MIPEP: variants seen among roughly 807,000 people sequenced by gnomAD.
MIPEP encodes mitochondrial intermediate peptidase.
In MIPEP, 79 loss-of-function variants were observed where a neutral mutation model predicts 90.3. The observed-to-expected ratio is 0.87, with a 90% CI of 0.73 to 1.05. MIPEP has a LOEUF of 1.05. MIPEP is among the 50% of genes least tolerant of loss of function. The pLI is 0.00. For synonymous variants in MIPEP, 334 were observed against 315.8 expected, an observed-to-expected ratio of 1.06 and a Z score of -0.61; for missense variants, 940 against 905.6, an observed-to-expected ratio of 1.04 and a Z score of -0.49.
At chr13:23,807,176 A>G (rs1251923824) in intron 15 of MIPEP, among the ~76,000 whole-genome samples, 1 of 152,258 alleles carries the variant, frequency 6.6e-6, no homozygotes, top group Non-Finnish European at 1.5e-5. Context: ...AAGTTTGGAC[A>G]TGAAATCTGC....
At chr13:23,789,376 T>C (rs1952878682) in intron 16 of MIPEP, among the ~76,000 whole-genome samples, 1 of 152,234 alleles carries the variant, frequency 6.6e-6, no homozygotes, top group African/African-American at 2.4e-5. Flanking sequence ...TTTTAATGGC[T>C]TATGTTTTTC....
Position 23,837,630 on chromosome 13 carries a change from T to C in MIPEP, c.1465A>G (p.Met489Val), listed in dbSNP as rs765512586. 35 of 1,613,926 alleles carry C rather than the reference T, an allele frequency of 2.2e-5. 1 individual carries two copies. Among genetic ancestry groups the C allele is most frequent in the South Asian group, 8.8e-5 (8 of 91,088 alleles). ...ATTTCATGGAAAAGATTTTCCATCA[T>C]GCTAGGAGTTAGCAAAGTTGGAGAA... The part of the protein sequence containing the change: ...RSSPTLLTPS[M>V]MENLFHEMGH... The change falls in exon 13 of 19, where the codon ATG becomes GTG. Residue 489 changes from methionine to valine, a missense_variant. Met to Val is a conservative substitution (Grantham distance 21, BLOSUM62 1). Transcript: ENST00000382172.
intron 2 of MIPEP, among the ~76,000 whole-genome samples, chr13:23,885,005 GT>G (rs959214959): frequency 1.1e-3 from 172 of 152,286 alleles, no homozygotes; most frequent in African/African-American, 3.8e-3. Context: ...GCACTTCCAT[GT>G]TTGCTGCAGC....
At chr13:23,794,079 G>C (rs947436120) in intron 16 of MIPEP, among the ~76,000 whole-genome samples, 1 of 152,152 alleles carries the variant, frequency 6.6e-6, no homozygotes, top group Non-Finnish European at 1.5e-5. Context: ...CTCATTAGGG[G>C]AAGACTGTGA....
At chr13:23,848,810 A>G (rs1186278270) in intron 10 of MIPEP, among the ~76,000 whole-genome samples, 1 of 152,150 alleles carries the variant, frequency 6.6e-6, no homozygotes, top group Non-Finnish European at 1.5e-5. Context: ...GCGAGACTAC[A>G]TGCCTCTCCA....
Position 23,858,919 on chromosome 13 carries a change from T to C in MIPEP, c.1054-7A>G. 2 of 1,612,042 alleles carry C rather than the reference T, an allele frequency of 1.2e-6. No individual in the cohort carries two copies. Among genetic ancestry groups the C allele is most frequent in the Non-Finnish European group, 1.7e-6 (2 of 1,178,420 alleles). On this transcript the variant is annotated splice_polypyrimidine_tract_variant and splice_region_variant and intron_variant, in intron 9 of 18. Transcript: ENST00000382172. ...GGTCCCAGGGCATTACTTCCTACAA[T>C]GGAATAATTCACTGTTAAGGAAAGC...
At chr13:23,752,805 A>G (rs1323271110) in intron 18 of MIPEP, among the ~76,000 whole-genome samples, 3 of 152,142 alleles carry the variant, frequency 2.0e-5, no homozygotes, top group Admixed American at 2.0e-4. Flanking sequence ...TAATATATAT[A>G]TTTATGTAAG....
intron 14 of MIPEP, among the ~76,000 whole-genome samples, chr13:23,820,788 T>G (rs1403291762): frequency 6.6e-6 from 1 of 152,206 alleles, no homozygotes; most frequent in Non-Finnish European, 1.5e-5. Context: ...GAGTGTGCAT[T>G]TCTAAGGAAT....
intron 14 of MIPEP, among the ~76,000 whole-genome samples, chr13:23,810,637 C>A (rs937811444): frequency 1.3e-5 from 2 of 152,180 alleles, no homozygotes; most frequent in South Asian, 2.1e-4. Context: ...CGATTTACAA[C>A]CTAATTAAGC....
At chr13:23,867,431 T>C (rs760401897) in intron 7 of MIPEP, among the ~76,000 whole-genome samples, 48 of 152,224 alleles carry the variant, frequency 3.2e-4, no homozygotes, top group Middle Eastern at 6.8e-3. Flanking sequence ...CTTCCGACAA[T>C]GCTCTCTAAA....
At chr13:23,867,433 C>T (rs1427698153) in intron 7 of MIPEP, among the ~76,000 whole-genome samples, 1 of 152,150 alleles carries the variant, frequency 6.6e-6, no homozygotes, top group Non-Finnish European at 1.5e-5. Flanking sequence ...TCCGACAATG[C>T]TCTCTAAAAC....
intron 16 of MIPEP, among the ~76,000 whole-genome samples, chr13:23,776,042 A>G (rs1403796197): frequency 6.6e-6 from 1 of 152,106 alleles, no homozygotes; most frequent in Non-Finnish European, 1.5e-5. Flanking sequence ...ATTTGTTTTC[A>G]TCTATTTCTT....
Position 23,886,339 on chromosome 13 carries a change from G to A in MIPEP, c.357C>T (p.Ala119=), listed in dbSNP as rs1871479241. The change falls in exon 2 of 19, where the codon GCC becomes GCT. Residue 119 remains alanine, a synonymous_variant. Transcript: ENST00000382172. ...CTGAGGTAAAGCACCTTACCAAGTC[G>A]GCCACTCTGCATAAGGAATCCGAGA... The part of the protein sequence containing the change: ...DELSDSLCRV[A]DLADFVKIAH... The A allele has an allele frequency of 2.0e-6, 3 of 1,532,496 alleles. No individual in the cohort carries two copies. Among genetic ancestry groups the A allele is most frequent in the African/African-American group, 2.8e-5 (2 of 71,636 alleles). The allele number at this position is 1,532,496 out of a possible 1,614,324, so 94.9% of individuals were successfully genotyped here.
At chr13:23,755,604 T>C (rs1952483169) in intron 18 of MIPEP, among the ~76,000 whole-genome samples, 1 of 152,234 alleles carries the variant, frequency 6.6e-6, no homozygotes, top group Admixed American at 6.5e-5. Context: ...ACCATCAATA[T>C]ATTGCAATTA....
intron 18 of MIPEP, among the ~76,000 whole-genome samples, chr13:23,740,467 C>T (rs1952314937): frequency 6.6e-6 from 1 of 151,600 alleles, no homozygotes; most frequent in Non-Finnish European, 1.5e-5. Flanking sequence ...CTTTGATAAG[C>T]CAGAGTTGGT....
At chr13:23,756,660 C>A in intron 17 of MIPEP, 42 bp from the exon 18 acceptor site, 2 of 1,572,012 alleles carry the variant, frequency 1.3e-6, no homozygotes, top group Non-Finnish European at 1.7e-6. Context: ...GCTTGCACAG[C>A]CTCCATTCAC....
intron 18 of MIPEP, among the ~76,000 whole-genome samples, chr13:23,743,908 G>C (rs1952357505): frequency 6.6e-6 from 1 of 152,150 alleles, no homozygotes; most frequent in Non-Finnish European, 1.5e-5. Flanking sequence ...CGATTTCAGA[G>C]GCTACGTTGG....
At chr13:23,761,228 C>T (rs1952539277) in intron 16 of MIPEP, among the ~76,000 whole-genome samples, 1 of 151,968 alleles carries the variant, frequency 6.6e-6, no homozygotes, top group Non-Finnish European at 1.5e-5. Context: ...GTTGTCCCTC[C>T]TTCTCTAAGC....
chr13:23,825,568 G>T (rs1272608310), intron 14 of MIPEP, among the ~76,000 whole-genome samples: 1 of 152,224 alleles, frequency 6.6e-6, no homozygotes, highest in African/African-American at 2.4e-5. Flanking sequence ...CACATTGTCA[G>T]AAGTTTAGGC....
Sources: gnomAD v4.1 joint callset for allele counts (sites outside exome capture counted in the v4.1 genomes callset) on GRCh38, gnomAD v4.1.1 for gene constraint, MANE v1.5 for transcripts, NCBI Gene and HGNC (gene_info 2026-07-23, HGNC 2026-07-21) for gene names.